Variants in CALU observed in about 807,000 individuals in gnomAD.
CALU encodes IEF SSP 9302.
CALU carries 13 observed loss-of-function variants against 37.5 expected under a neutral mutation model. That is an observed-to-expected ratio of 0.35 (90% CI 0.23 to 0.55). The LOEUF (loss-of-function observed/expected upper bound fraction) is 0.55, where lower values mean the gene tolerates loss of function less well. Ranked by LOEUF, CALU falls within the 20% of genes least tolerant of loss-of-function variation. The pLI is 0.89. For missense variants in CALU, 282 were observed against 391.7 expected, an observed-to-expected ratio of 0.72 and a Z score of 2.36; for synonymous variants, 114 against 133.8, an observed-to-expected ratio of 0.85 and a Z score of 1.02.
Position 128,770,883 on chromosome 7 carries a change from G to A in CALU, c.*1716G>A, listed in dbSNP as rs1360508125. 4.6e-5 allele frequency: 7 copies of A among 152,600 alleles called. No homozygotes were observed. The highest frequency in any genetic ancestry group is 1.3e-4 in the Admixed American group (2 of 15,274). 9.5% of individuals were successfully genotyped at this position (152,600 alleles called of 1,614,324 possible). On this transcript the variant is annotated 3_prime_UTR_variant, in exon 7 of 7. Transcript: ENST00000249364. ...GGTGCTGGGTGATTTATTATAATCT[G>A]AACCTAGGTATATCCTTTGGTCTTC...
intron 1 of CALU, chr7:128,747,529 A>G (rs1800494927): frequency 6.6e-6 from 1 of 151,238 alleles, no homozygotes; most frequent in African/African-American, 2.4e-5. Context: ...CTCTCTACTG[A>G]TATGTCCTCC....
chr7:128,752,188 A>T (rs1313948187), intron 2 of CALU, among the ~76,000 whole-genome samples: 1 of 152,204 alleles, frequency 6.6e-6, no homozygotes, highest in African/African-American at 2.4e-5. Context: ...TTGCCCACAA[A>T]GTCAAAAATA....
intron 3 of CALU, among the ~76,000 whole-genome samples, chr7:128,758,418 A>G (rs181623583): frequency 1.3e-5 from 2 of 152,244 alleles, no homozygotes; most frequent in Admixed American, 6.5e-5. Context: ...ACTTAGATAT[A>G]TTTTCTCATT....
intron 3 of CALU, among the ~76,000 whole-genome samples, chr7:128,758,129 T>C (rs1232873744): frequency 6.6e-6 from 1 of 152,128 alleles, no homozygotes. Flanking sequence ...CAATCACTCA[T>C]CTGTTTTCTG....
chr7:128,761,756 G>T (rs4559164), intron 5 of CALU, among the ~76,000 whole-genome samples: 3 of 152,038 alleles, frequency 2.0e-5, no homozygotes, highest in African/African-American at 7.2e-5. Context: ...TTGTGTTTCA[G>T]ATAAGCCCGT....
At chr7:128,746,303 G>A (rs1013192441) in intron 1 of CALU, among the ~76,000 whole-genome samples, 3 of 151,738 alleles carry the variant, frequency 2.0e-5, no homozygotes, top group African/African-American at 4.8e-5. Context: ...GACTACAGGC[G>A]TGTGCCACCA....
chr7:128,754,484 C>T, intron 3 of CALU, 29 bp downstream of exon 3: 3 of 1,605,516 alleles, frequency 1.9e-6, no homozygotes, highest in Non-Finnish European at 2.6e-6. Context: ...GGGGAAAAAG[C>T]CTTGTGGAGC....
rs759064275 is a variant in CALU at position 128,754,231 on chromosome 7, C to T, written c.222-31C>T. On this transcript the variant is annotated intron_variant, in intron 2 of 6. Coordinates refer to ENST00000249364, the MANE Select transcript of CALU (RefSeq NM_001219.5). ...GTCCAGAGTTCTGTGTCTTTTTAAC[C>T]TTTTGCTGGATTTCTCTGCATTTTC... is the stretch of plus-strand genomic sequence containing the variant. The T allele has an allele frequency of 7.1e-6, 11 of 1,558,234 alleles. No individual in the cohort carries two copies. In the Admixed American group the frequency reaches 1.8e-4, roughly 25 times the overall value.
Position 128,770,678 on chromosome 7 carries a change from A to G in CALU, c.*1511A>G, listed in dbSNP as rs568672290. On this transcript the variant is annotated 3_prime_UTR_variant, in exon 7 of 7. Coordinates refer to ENST00000249364, the MANE Select transcript of CALU (RefSeq NM_001219.5). ...CTAAAGAAACCACCCTTTGTTCCCA[A>G]CTCCACTTTACCCATATTTTATGCA... The G allele has an allele frequency of 6.6e-6, 1 of 152,314 alleles. No individual in the cohort carries two copies. The highest frequency in any genetic ancestry group is 2.4e-5 in the African/African-American group (1 of 41,438). The allele number at this position is 152,314 out of a possible 1,614,324, so 9.4% of individuals were successfully genotyped here.
intron 1 of CALU, chr7:128,748,188 A>C (rs1800519500): frequency 3.8e-6 from 2 of 532,616 alleles, no homozygotes. Flanking sequence ...CAGACCACCA[A>C]TGCGTACAAG....
In CALU at chr7:128,758,485, A is replaced by G. The variant is rs190371051; in HGVS notation, c.416-386A>G. 7.2e-5 allele frequency among the ~76,000 whole-genome samples: 11 copies of G among 152,356 alleles called. No individual in the cohort carries two copies. The East Asian group carries it at 2.1e-3, about 29-fold the overall frequency. ...CCATTGCTAGCTCCATTTTACAGAT[A>G]AAAGAGACCAAGACACAGGCCAAAC... On this transcript the variant is annotated intron_variant, in intron 3 of 6. Transcript: ENST00000249364.
intron 5 of CALU, among the ~76,000 whole-genome samples, chr7:128,760,832 CA>C (rs1304078638): frequency 1.3e-5 from 2 of 152,174 alleles, no homozygotes; most frequent in African/African-American, 4.8e-5. Flanking sequence ...GGCATGAACC[CA>C]GGAGGCAGAG....
intron 5 of CALU, among the ~76,000 whole-genome samples, chr7:128,763,242 G>A (rs2128882318): frequency 6.6e-6 from 1 of 152,142 alleles, no homozygotes; most frequent in East Asian, 1.9e-4. Flanking sequence ...TTTAAAAATA[G>A]AAATTCGGCC....
chr7:128,759,962 G>T, intron 5 of CALU, 110 bp downstream of exon 5: 1 of 654,472 alleles, frequency 1.5e-6, no homozygotes, highest in Admixed American at 2.3e-5. Flanking sequence ...CTGGGAGGCC[G>T]AGGCGGGCAG....
intron 3 of CALU, among the ~76,000 whole-genome samples, chr7:128,755,520 G>A (rs908480816): frequency 1.1e-4 from 16 of 152,112 alleles, no homozygotes; most frequent in Non-Finnish European, 4.4e-5. Flanking sequence ...TCTGCTTACT[G>A]AAGTTTGGAA....
chr7:128,772,128 G>A lies in CALU; in HGVS notation c.*2961G>A, dbSNP rs1279824059. Reference sequence around the variant, plus strand: ...TCCCATTTCTAAAGTGTTTTCTTAAGTTTGTTCTAATTCAGCATATATCAT... The same window carrying A: ...TCCCATTTCTAAAGTGTTTTCTTAAATTTGTTCTAATTCAGCATATATCAT... On this transcript the variant is annotated 3_prime_UTR_variant, in exon 7 of 7. Coordinates refer to ENST00000249364, the MANE Select transcript of CALU (RefSeq NM_001219.5). 2.8e-5 allele frequency among the ~76,000 whole-genome samples: 4 copies of A among 144,830 alleles called. No individual in the cohort carries two copies. Among genetic ancestry groups the A allele is most frequent in the African/African-American group, 1.0e-4 (4 of 38,810 alleles).
In CALU at chr7:128,748,365, C is replaced by G. The variant is rs1028982369; in HGVS notation, c.-11-208C>G. The stretch of plus-strand genomic sequence containing the variant: ...TCAGCCTACAATCAGATGAAGGAAA[C>G]TGGTAAAAATTTCTCACTGTAATAA... On this transcript the variant is annotated intron_variant, in intron 1 of 6. Transcript: ENST00000249364. 3.3e-6 allele frequency: 5 copies of G among 1,501,760 alleles called. No homozygotes were observed. Among genetic ancestry groups the G allele is most frequent in the Non-Finnish European group, 3.6e-6 (4 of 1,123,640 alleles). 93.0% of individuals were successfully genotyped at this position (1,501,760 alleles called of 1,614,324 possible). A position where few individuals can be genotyped will look rare whatever the true frequency, so the allele number is the denominator to read the frequency against.
chr7:128,758,282 A>G (rs754773068), intron 3 of CALU, among the ~76,000 whole-genome samples: 6 of 152,208 alleles, frequency 3.9e-5, no homozygotes, highest in Non-Finnish European at 7.3e-5. Flanking sequence ...CTTGAATCCA[A>G]GTGTCCATTA....
In CALU at chr7:128,769,347, T is replaced by G. The variant is rs1243377815; in HGVS notation, c.*180T>G. 3 of 503,666 alleles carry G rather than the reference T, an allele frequency of 6.0e-6. No homozygotes were observed. The highest frequency in any genetic ancestry group is 1.1e-5 in the Non-Finnish European group (3 of 281,902). 31.2% of individuals were successfully genotyped at this position (503,666 alleles called of 1,614,324 possible). ...CTGAGGGACTGGAGGGAAGCCGTGC[T>G]TCTGAGGAACAACTCTAATTAGTAC... On this transcript the variant is annotated 3_prime_UTR_variant, in exon 7 of 7. Transcript: ENST00000249364.
Sources: gnomAD v4.1 joint callset for allele counts (sites outside exome capture counted in the v4.1 genomes callset) on GRCh38, gnomAD v4.1.1 for gene constraint, MANE v1.5 for transcripts, NCBI Gene and HGNC (gene_info 2026-07-23, HGNC 2026-07-21) for gene names.